Variants in ADAM33 observed in about 807,000 individuals in gnomAD.
ADAM33 encodes disintegrin and metalloproteinase domain-containing protein 33.
In ADAM33, 103 loss-of-function variants were observed where a neutral mutation model predicts 106.2. The observed-to-expected ratio is 0.97, with a 90% CI of 0.83 to 1.14. ADAM33 has a LOEUF of 1.14. Among genes scored for constraint, ADAM33 ranks in the 50% most tolerant of loss-of-function variants. The pLI is 0.00. For synonymous variants in ADAM33, 483 were observed against 453.0 expected (o/e 1.07, Z -0.84); for missense variants, 1,120 against 1,096.6 (o/e 1.02, Z -0.30).
At chr20:3,669,492 A>G (rs35046234) in intron 20 of ADAM33, 54 bp downstream of exon 20, 479 of 1,545,608 alleles carry the variant, frequency 3.1e-4, no homozygotes, top group Non-Finnish European at 3.9e-4. Flanking sequence ...GGCAGGAGGC[A>G]TGAGCCCTTC....
At chr20:3,671,851 T>C (rs1250870828) in intron 15 of ADAM33, 26 bp downstream of exon 15, 1 of 1,551,318 alleles carries the variant, frequency 6.4e-7, no homozygotes, top group Non-Finnish European at 8.7e-7. Context: ...TAGCTTCTGC[T>C]CCCTCCACTC....
intron 2 of ADAM33, among the ~76,000 whole-genome samples, chr20:3,677,698 G>T (rs538216774): frequency 6.6e-6 from 1 of 152,058 alleles, no homozygotes; most frequent in African/African-American, 2.4e-5. Context: ...CCGTCCCTCC[G>T]GCTCCGACAC....
In ADAM33 at chr20:3,671,509, C is replaced by A. The variant is rs775449216; in HGVS notation, c.1906-13G>T. On this transcript the variant is annotated splice_polypyrimidine_tract_variant and intron_variant, in intron 16 of 21. Coordinates refer to ENST00000356518, the MANE Select transcript of ADAM33 (RefSeq NM_025220.5). ...TGCTCTGGCACACCTACGGGCAGTG[C>A]ACCAGGCAGTGAGGGGGACACTGGC... is the stretch of plus-strand genomic sequence containing the variant. 6.2e-7 allele frequency: 1 copy of A among 1,609,884 alleles called. No individual in the cohort carries two copies. The highest frequency in any genetic ancestry group is 8.5e-7 in the Non-Finnish European group (1 of 1,177,380).
chr20:3,669,690 T>C (rs765871403), intron 19 of ADAM33, 53 bp from the exon 20 acceptor site: 1 of 1,495,044 alleles, frequency 6.7e-7, no homozygotes, highest in Non-Finnish European at 9.2e-7. Flanking sequence ...CTGAGTGGGT[T>C]ATTGCCTCCC....
At chr20:3,679,703 A>G in intron 1 of ADAM33, 132 bp from the exon 2 acceptor site, 1 of 712,010 alleles carries the variant, frequency 1.4e-6, no homozygotes, top group East Asian at 2.8e-5. Flanking sequence ...TTCACCTTCA[A>G]CACGCGTGGG....
Position 3,671,984 on chromosome 20 carries a change from G to C in ADAM33, c.1599C>G (p.Gly533=). The C allele has an allele frequency of 6.4e-7, 1 of 1,554,700 alleles. No homozygotes were observed. The highest frequency in any genetic ancestry group is 1.2e-5 in the South Asian group (1 of 84,404). Residue 533 remains glycine (G), a splice_region_variant and synonymous_variant, in exon 15 of 22, where the codon GGC becomes GGG. Transcript: ENST00000356518. ...EQQCQQLWGP[G]SHPAPEACFQ... ...AACAGGCCTCGGGAGCTGGGTGGGAGCCTGAGGAAGCATGGGCCAGGCTGG... is the reference window on the plus strand; with the variant it reads ...AACAGGCCTCGGGAGCTGGGTGGGACCCTGAGGAAGCATGGGCCAGGCTGG...
rs2088286234 is a variant in ADAM33, at chr20:3,679,519, G to A, written c.150C>T (p.Pro50=). ...GCTCCTCCAGGCTGACGGTGCGCCA[G>A]GGTTGTCCATCCAGGACCCAGTGCG... ...VTPHWVLDGQ[P]WRTVSLEEPV... The change falls in exon 2 of 22, where the codon CCC becomes CCT. Residue 50 remains proline, a synonymous_variant. Coordinates refer to ENST00000356518, the MANE Select transcript of ADAM33 (RefSeq NM_025220.5). 1 of 1,610,662 alleles carries A rather than the reference G, an allele frequency of 6.2e-7. No individual in the cohort carries two copies. Among genetic ancestry groups the A allele is most frequent in the Non-Finnish European group, 8.5e-7 (1 of 1,178,688 alleles).
At chr20:3,677,291 G>A (rs2088060387) in intron 2 of ADAM33, 148 bp from the exon 3 acceptor site, 2 of 605,650 alleles carry the variant, frequency 3.3e-6, no homozygotes, top group East Asian at 3.2e-5. Flanking sequence ...ATACTATGGA[G>A]GGCGTGGAGG....
At chr20:3,676,559 C>A (rs753661493) in intron 3 of ADAM33, among the ~76,000 whole-genome samples, 4 of 152,012 alleles carry the variant, frequency 2.6e-5, no homozygotes, top group Non-Finnish European at 5.9e-5. Context: ...CCGTCTCAGC[C>A]CCCTAAGTAG....
chr20:3,677,112 A>T lies in ADAM33; in HGVS notation c.209T>A (p.Leu70Gln). The change falls in exon 3 of 22, where the codon CTG becomes CAG. Residue 70 changes from leucine (L) to glutamine (Q), a missense_variant. Coordinates refer to ENST00000356518, the MANE Select transcript of ADAM33 (RefSeq NM_025220.5). ...VSKPDMGLVA[L>Q]EAEGQELLLE... ...CAGGAGCTCCTGGCCTTCAGCCTCC[A>T]GGGCCACCAGCCCCATGTCTGGCTT... 1 of 1,611,818 alleles carries T rather than the reference A, an allele frequency of 6.2e-7. No individual in the cohort carries two copies. Among genetic ancestry groups the T allele is most frequent in the Non-Finnish European group, 8.5e-7 (1 of 1,179,092 alleles).
Position 3,671,642 on chromosome 20 carries a change from GCACTGGGGAGTGC to G in ADAM33, c.1831_1843del (p.Ala611ProfsTer11). On this transcript the variant is annotated frameshift_variant, in exon 16 of 22. Transcript: ENST00000356518. LOFTEE classifies it high-confidence loss of function. ...GCCCAGGCCAAGCAGGTCCAGCTGGGCACTGGGGAGTGCCAAGGCTCCCCGACAAGTCACTTCC... is the reference window on the plus strand; with the variant it reads ...GCCCAGGCCAAGCAGGTCCAGCTGGGCAAGGCTCCCCGACAAGTCACTTCC... 1 of 1,578,796 alleles carries G rather than the reference GCACTGGGGAGTGC, an allele frequency of 6.3e-7. No individual in the cohort carries two copies. Among genetic ancestry groups the G allele is most frequent in the Admixed American group, 1.8e-5 (1 of 54,634 alleles).
In ADAM33 at chr20:3,674,695, T is replaced by C. The variant is rs376107964; in HGVS notation, c.411-2A>G. The C allele has an allele frequency of 4.4e-6, 7 of 1,606,380 alleles. No individual in the cohort carries two copies. In the African/African-American group the frequency reaches 8.1e-5, roughly 18 times the overall value. On this transcript the variant is annotated splice_acceptor_variant, in intron 5 of 21. Coordinates refer to ENST00000356518, the MANE Select transcript of ADAM33 (RefSeq NM_025220.5). LOFTEE classifies it high-confidence loss of function. Reference sequence around the variant, plus strand: ...TTCCTGCTGAGGGTGATCAGGCCACTAGGGTGCAGAGGGGTAGGAGCGGGT... The same window carrying C: ...TTCCTGCTGAGGGTGATCAGGCCACCAGGGTGCAGAGGGGTAGGAGCGGGT...
At position 3,668,819 on chromosome 20, in the gene ADAM33, G is replaced by A. The variant is rs533088964; in HGVS notation, c.*144C>T. The A allele has an allele frequency of 2.0e-6, 2 of 1,004,640 alleles. No individual in the cohort carries two copies. Among genetic ancestry groups the A allele is most frequent in the African/African-American group, 3.2e-5 (2 of 63,282 alleles). The allele number at this position is 1,004,640 out of a possible 1,614,324, so 62.2% of individuals were successfully genotyped here. ...GGGTTCCTGGAGTGGGTGGGTCGAA[G>A]CTCCACTCGGGGAAGAAACTTCCAA... On this transcript the variant is annotated 3_prime_UTR_variant, in exon 22 of 22. Transcript: ENST00000356518.
In ADAM33 at chr20:3,674,979, G is replaced by A. The variant is rs200059172; in HGVS notation, c.333+48C>T. 1.4e-3 allele frequency: 2,250 copies of A among 1,609,594 alleles called. 8 individuals carry two copies. Among genetic ancestry groups the A allele is most frequent in the Non-Finnish European group, 1.4e-3 (1,621 of 1,179,392 alleles). On this transcript the variant is annotated intron_variant, in intron 4 of 21. Coordinates refer to ENST00000356518, the MANE Select transcript of ADAM33 (RefSeq NM_025220.5). ...AGGAGGAGTAGGGGTAGGAATGGTG[G>A]GGGGGTACCTCTGGCGGTGCATCCC...
In ADAM33 at chr20:3,671,224, C is replaced by T. The variant is rs752679414; in HGVS notation, c.2092+13G>A. On this transcript the variant is annotated intron_variant, in intron 18 of 21. Transcript: ENST00000356518. ...CACCCCAGCTCCTGCCCACATGCCC[C>T]CCACTGGCATACTTTCAGCCTGCAC... is the stretch of plus-strand genomic sequence containing the variant. The T allele has an allele frequency of 6.2e-7, 1 of 1,613,382 alleles. No individual in the cohort carries two copies. Among genetic ancestry groups the T allele is most frequent in the East Asian group, 2.2e-5 (1 of 44,858 alleles).
intron 3 of ADAM33, 41 bp downstream of exon 3, chr20:3,677,026 C>T (rs746361819): frequency 6.2e-7 from 1 of 1,603,402 alleles, no homozygotes; most frequent in African/African-American, 1.3e-5. Flanking sequence ...CCCCCCAACA[C>T]TGATCCCCTC....
Position 3,669,340 on chromosome 20 carries a change from T to C in ADAM33, c.2363A>G (p.His788Arg), listed in dbSNP as rs759734633. 3.3e-5 allele frequency: 53 copies of C among 1,601,492 alleles called. No homozygotes were observed. The African/African-American group carries it at 7.0e-4, about 21-fold the overall frequency. ...GACTGCTGGCAGAGGCTTCTCAGGG[T>C]GGCTGCTGGGCTCATGAGAGTTCTC... ...DPENSHEPSS[H>R]PEKPLPAVSP... The change falls in exon 21 of 22, where the codon CAC becomes CGC. Residue 788 changes from histidine (H) to arginine (R), a missense_variant. Physicochemically the swap from His to Arg is conservative, Grantham distance 29 (BLOSUM62 0). Coordinates refer to ENST00000356518, the MANE Select transcript of ADAM33 (RefSeq NM_025220.5).
At chr20:3,673,974 G>A in intron 8 of ADAM33, 63 bp from the exon 9 acceptor site, 1 of 1,597,518 alleles carries the variant, frequency 6.3e-7, no homozygotes, top group Non-Finnish European at 8.5e-7. Flanking sequence ...GTCCTTCGTG[G>A]GGCGCCCTTC....
chr20:3,672,092 G>C (rs1231130503), intron 14 of ADAM33, 42 bp downstream of exon 14: 1 of 1,595,568 alleles, frequency 6.3e-7, no homozygotes, highest in Non-Finnish European at 8.5e-7. Flanking sequence ...GGCCCCACCA[G>C]AGGATGGGGG....
Sources: gnomAD v4.1 joint callset for allele counts (sites outside exome capture counted in the v4.1 genomes callset) on GRCh38, gnomAD v4.1.1 for gene constraint, MANE v1.5 for transcripts, NCBI Gene and HGNC (gene_info 2026-07-23, HGNC 2026-07-21) for gene names.